EPHA6: variants seen among roughly 807,000 people sequenced by gnomAD.
EPHA6 encodes the protein EPH receptor A6.
EPHA6 carries 50 observed loss-of-function variants against 112.0 expected under a neutral mutation model. The ratio of observed to expected loss-of-function variants is 0.45; its 90% confidence interval spans 0.36 to 0.56. The LOEUF is 0.56. EPHA6 is among the 20% of genes least tolerant of loss of function. EPHA6 has a pLI of 0.00. For synonymous variants in EPHA6, 529 were observed against 490.7 expected (o/e 1.08, Z -1.03); for missense variants, 1,280 against 1,417.4 (o/e 0.90, Z 1.56).
chr3:97,312,485 T>C (rs1312548236), intron 5 of EPHA6, among the ~76,000 whole-genome samples: 2 of 151,586 alleles, frequency 1.3e-5, no homozygotes, highest in African/African-American at 4.8e-5. Flanking sequence ...CTGGAACATT[T>C]TGGATTTCAG....
intron 2 of EPHA6, among the ~76,000 whole-genome samples, chr3:96,978,100 C>A (rs2042605829): frequency 6.6e-6 from 1 of 152,142 alleles, no homozygotes; most frequent in Admixed American, 6.5e-5. Context: ...ATGGAGGTTG[C>A]AGTGACCAAA....
At chr3:97,420,872 G>T (rs1355729659) in intron 6 of EPHA6, among the ~76,000 whole-genome samples, 1 of 151,366 alleles carries the variant, frequency 6.6e-6, no homozygotes, top group African/African-American at 2.4e-5. Flanking sequence ...GGCCAAATTT[G>T]GATTTATTTC....
At chr3:97,741,004 C>T (rs2035483556) in intron 16 of EPHA6, among the ~76,000 whole-genome samples, 1 of 151,922 alleles carries the variant, frequency 6.6e-6, no homozygotes, top group African/African-American at 2.4e-5. Context: ...GGAAGGAAGA[C>T]AGAATATGAA....
At chr3:96,884,299 T>C (rs2037496566) in intron 2 of EPHA6, among the ~76,000 whole-genome samples, 1 of 152,208 alleles carries the variant, frequency 6.6e-6, no homozygotes, top group Admixed American at 6.5e-5. Flanking sequence ...ATTTGTAGAT[T>C]GCTTTTGGCA....
intron 3 of EPHA6, among the ~76,000 whole-genome samples, chr3:97,203,624 A>G (rs1403326692): frequency 6.6e-6 from 1 of 152,086 alleles, no homozygotes; most frequent in South Asian, 2.1e-4. Context: ...CTGTGAGATG[A>G]TTGTGGTGTG....
intron 5 of EPHA6, among the ~76,000 whole-genome samples, chr3:97,325,807 A>C (rs2082392730): frequency 6.6e-6 from 1 of 152,118 alleles, no homozygotes; most frequent in South Asian, 2.1e-4. Flanking sequence ...AGTTACGTTA[A>C]AACCAACTTG....
intron 14 of EPHA6, among the ~76,000 whole-genome samples, chr3:97,657,409 T>C (rs2094143646): frequency 6.6e-6 from 1 of 151,834 alleles, no homozygotes; most frequent in African/African-American, 2.4e-5. Flanking sequence ...CTACCCTCTA[T>C]AGGTTCCATA....
At chr3:96,826,745 T>C (rs1300543638) in intron 1 of EPHA6, among the ~76,000 whole-genome samples, 1 of 152,104 alleles carries the variant, frequency 6.6e-6, no homozygotes, top group East Asian at 1.9e-4. Context: ...TTAATTGTGT[T>C]TATTACAGTT....
At chr3:97,434,230 C>G (rs978365196) in intron 6 of EPHA6, among the ~76,000 whole-genome samples, 1 of 152,094 alleles carries the variant, frequency 6.6e-6, no homozygotes, top group Non-Finnish European at 1.5e-5. Flanking sequence ...AGCTAGACTT[C>G]CTAGGTTCAA....
intron 14 of EPHA6, among the ~76,000 whole-genome samples, chr3:97,670,996 C>T (rs2030756217): frequency 6.6e-6 from 1 of 152,098 alleles, no homozygotes; most frequent in Non-Finnish European, 1.5e-5. Context: ...CATAGAGGAT[C>T]TTCTAGAGAA....
intron 14 of EPHA6, among the ~76,000 whole-genome samples, chr3:97,687,754 A>G (rs13318801): frequency 0.13 from 19,180 of 152,174 alleles, 2,469 homozygotes; most frequent in African/African-American, 0.33. Context: ...AAAATACAAA[A>G]CCTTTACTTC....
chr3:97,701,765 C>T (rs2033406578), intron 14 of EPHA6, among the ~76,000 whole-genome samples: 1 of 151,898 alleles, frequency 6.6e-6, no homozygotes, highest in South Asian at 2.1e-4. Context: ...CTTGTTGTTT[C>T]ACATTCAGAT....
Position 97,484,022 on chromosome 3 carries a change from T to A in EPHA6, c.2163T>A (p.Asp721Glu). Residue 721 changes from aspartate to glutamate, a missense_variant, in exon 10 of 18, where the codon GAT becomes GAA. Physicochemically the swap from Asp to Glu is conservative, Grantham distance 45 (BLOSUM62 2). Coordinates refer to ENST00000389672, the MANE Select transcript of EPHA6 (RefSeq NM_001080448.3). ...LAVHEFAKEI[D>E]PSRIRIERVI... is the part of the protein sequence containing the mutation. Reference sequence around the variant, plus strand: ...TCCATGAATTTGCAAAGGAGATTGATCCCTCAAGAATTCGTATTGAGAGAG... The same window carrying A: ...TCCATGAATTTGCAAAGGAGATTGAACCCTCAAGAATTCGTATTGAGAGAG... 6.2e-7 allele frequency: 1 copy of A among 1,610,182 alleles called. No homozygotes were observed. Among genetic ancestry groups the A allele is most frequent in the Non-Finnish European group, 8.5e-7 (1 of 1,178,176 alleles).
At chr3:97,468,441 T>A (rs1008289181) in intron 7 of EPHA6, among the ~76,000 whole-genome samples, 5 of 151,412 alleles carry the variant, frequency 3.3e-5, no homozygotes, top group African/African-American at 1.2e-4. Flanking sequence ...TTATTTTCTA[T>A]TAATTTATTT....
chr3:97,303,762 T>G (rs2081194551), intron 5 of EPHA6, among the ~76,000 whole-genome samples: 1 of 151,986 alleles, frequency 6.6e-6, no homozygotes, highest in Non-Finnish European at 1.5e-5. Flanking sequence ...AAAAAATAAA[T>G]TTGGATTCAT....
At chr3:96,959,810 AAAGGG>A (rs1313261912) in intron 2 of EPHA6, among the ~76,000 whole-genome samples, 3 of 151,930 alleles carry the variant, frequency 2.0e-5, no homozygotes, top group Non-Finnish European at 4.4e-5. Context: ...AAAAAGACAA[AAAGGG>A]AACCACTTCT....
At chr3:97,184,018 A>G (rs1423429484) in intron 3 of EPHA6, among the ~76,000 whole-genome samples, 1 of 152,150 alleles carries the variant, frequency 6.6e-6, no homozygotes, top group Non-Finnish European at 1.5e-5. Flanking sequence ...GATTGGATTT[A>G]CATAGTTTTA....
intron 1 of EPHA6, among the ~76,000 whole-genome samples, chr3:96,840,863 AT>A (rs2034702322): frequency 1.3e-5 from 2 of 152,142 alleles, no homozygotes; most frequent in South Asian, 2.1e-4. Flanking sequence ...ATTTAAAAAA[AT>A]CTATTCATTT....
intron 3 of EPHA6, among the ~76,000 whole-genome samples, chr3:97,195,643 C>T (rs1192381290): frequency 3.9e-5 from 6 of 152,156 alleles, no homozygotes; most frequent in African/African-American, 1.4e-4. Flanking sequence ...GATTGAAGAA[C>T]TCCCTTTAGC....
Sources: gnomAD v4.1 joint callset for allele counts (sites outside exome capture counted in the v4.1 genomes callset) on GRCh38, gnomAD v4.1.1 for gene constraint, MANE v1.5 for transcripts, NCBI Gene and HGNC (gene_info 2026-07-23, HGNC 2026-07-21) for gene names.